Variants in TENM1 observed in about 807,000 individuals in gnomAD.
TENM1 encodes teneurin transmembrane protein 1.
TENM1 carries 35 observed loss-of-function variants against 174.8 expected under a neutral mutation model. That is an observed-to-expected ratio of 0.20 (90% CI 0.15 to 0.27). The LOEUF is 0.27. TENM1 is among the 10% of genes least tolerant of loss of function. TENM1 has a pLI of 1.00. For missense variants in TENM1, 1,633 were observed against 2,130.1 expected, an observed-to-expected ratio of 0.77 and a Z score of 4.59; for synonymous variants, 781 against 798.7, an observed-to-expected ratio of 0.98 and a Z score of 0.37.
chrX:124,529,468 T>A (rs2048058418), intron 16 of TENM1, among the ~76,000 whole-genome samples: 1 of 111,752 alleles, frequency 8.9e-6, no homozygotes, highest in South Asian at 3.7e-4. Flanking sequence ...ATTAATGTGG[T>A]GGAATTCTGT....
intron 19 of TENM1, among the ~76,000 whole-genome samples, chrX:124,502,063 A>C (rs1335166363): frequency 8.9e-6 from 1 of 112,128 alleles, no homozygotes; most frequent in East Asian, 2.8e-4. Context: ...AGCACACAAA[A>C]TCTTTTGGGG....
intron 1 of TENM1, among the ~76,000 whole-genome samples, chrX:124,942,747 G>C (rs889787880): frequency 9.0e-6 from 1 of 111,376 alleles, no homozygotes; most frequent in Non-Finnish European, 1.9e-5. Flanking sequence ...TATTATATTA[G>C]CATATAACTT....
intron 5 of TENM1, among the ~76,000 whole-genome samples, chrX:124,698,208 C>A (rs16999370): frequency 0.011 from 1,217 of 110,671 alleles, 13 homozygotes; most frequent in African/African-American, 0.038. Flanking sequence ...GTGTCCTCAA[C>A]GGTAGTTACC....
chrX:125,134,490 G>A, the TENM1 span, among the ~76,000 whole-genome samples: 12 of 112,015 alleles, frequency 1.1e-4, 1 homozygote, highest in African/African-American at 2.9e-4. Flanking sequence ...CAGTTCTCTA[G>A]TCTACATATA....
the TENM1 span, among the ~76,000 whole-genome samples, chrX:125,184,738 T>C: frequency 1.8e-5 from 2 of 111,852 alleles, no homozygotes; most frequent in Non-Finnish European, 3.8e-5. Flanking sequence ...TTGACTTTTT[T>C]ACAGCTTGAA....
chrX:124,454,532 T>C (rs752636106), intron 22 of TENM1, among the ~76,000 whole-genome samples: 1 of 110,868 alleles, frequency 9.0e-6, no homozygotes, highest in African/African-American at 3.3e-5. Flanking sequence ...GCCTCCCAAA[T>C]AGCTAGGATT....
At chrX:125,034,360 C>T in the TENM1 span, among the ~76,000 whole-genome samples, 1 of 111,605 alleles carries the variant, frequency 9.0e-6, no homozygotes, top group Non-Finnish European at 1.9e-5. Flanking sequence ...CATTAATCTC[C>T]ACTGCCCGAC....
At chrX:125,177,355 C>T in the TENM1 span, among the ~76,000 whole-genome samples, 21 of 112,060 alleles carry the variant, frequency 1.9e-4, no homozygotes, top group African/African-American at 6.5e-4. Flanking sequence ...ACAGTTTCAT[C>T]TGACATATGT....
the TENM1 span, among the ~76,000 whole-genome samples, chrX:124,998,446 C>T: frequency 9.5e-6 from 1 of 105,069 alleles, no homozygotes; most frequent in Non-Finnish European, 1.9e-5. Context: ...TCGACAACAG[C>T]ATTTAAGAAA....
At chrX:124,986,295 C>A in the TENM1 span, among the ~76,000 whole-genome samples, 322 of 111,278 alleles carry the variant, frequency 2.9e-3, 2 homozygotes, top group African/African-American at 0.01. Context: ...AAGTTTTCTC[C>A]TCTTATTAAA....
In TENM1 at chrX:124,883,191, AT is replaced by A. The variant is rs970600155; in HGVS notation, c.535+11104del. 1.4e-4 allele frequency among the ~76,000 whole-genome samples: 16 copies of A among 110,851 alleles called. 1 individual carries two copies. The highest frequency in any genetic ancestry group is 3.0e-4 in the Non-Finnish European group (16 of 52,923). On this transcript the variant is annotated intron_variant, in intron 3 of 31. Coordinates refer to ENST00000422452, the Ensembl canonical transcript of TENM1. Reference sequence around the variant, plus strand: ...TCAGGTATAACAGTTGCTCCTTCTAATTTTTTTGTATTTGCTTTGGTAGGGG... The same window carrying A: ...TCAGGTATAACAGTTGCTCCTTCTAATTTTTTGTATTTGCTTTGGTAGGGG...
the TENM1 span, among the ~76,000 whole-genome samples, chrX:125,114,394 G>T: frequency 1.3e-4 from 14 of 108,559 alleles, no homozygotes; most frequent in African/African-American, 4.8e-4. Flanking sequence ...TAAGATCAGG[G>T]CAGAACTGAA....
chrX:124,385,566 G>T (rs905004565), intron 29 of TENM1, 111 bp downstream of exon 32: 5 of 706,878 alleles, frequency 7.1e-6, no homozygotes, highest in Non-Finnish European at 1.0e-5. Context: ...TAAAGTGAAA[G>T]TTGGGTTGAA....
chrX:124,724,145 G>A (rs1284839455), intron 4 of TENM1, among the ~76,000 whole-genome samples: 1 of 111,285 alleles, frequency 9.0e-6, no homozygotes, highest in Non-Finnish European at 1.9e-5. Context: ...GATGGCTCAC[G>A]TAGGTGTTCC....
chrX:124,973,315 T>C, the TENM1 span, among the ~76,000 whole-genome samples: 1 of 111,838 alleles, frequency 8.9e-6, no homozygotes, highest in Admixed American at 9.5e-5. Context: ...AGCCTTGTAG[T>C]ATAGTTTGAA....
the TENM1 span, among the ~76,000 whole-genome samples, chrX:125,182,776 C>T: frequency 9.0e-6 from 1 of 111,025 alleles, no homozygotes; most frequent in Non-Finnish European, 1.9e-5. Flanking sequence ...AAATGTTTGT[C>T]ACAGTAATAA....
chrX:124,515,012 T>G (rs762556411), intron 18 of TENM1, among the ~76,000 whole-genome samples: 3 of 111,644 alleles, frequency 2.7e-5, no homozygotes, highest in Non-Finnish European at 5.7e-5. Context: ...TGTTCAAGTA[T>G]GCTTCATCCC....
At chrX:124,422,567 G>A in exon 24 of TENM1, 2 of 1,210,784 alleles carry the variant, frequency 1.7e-6, no homozygotes, top group African/African-American at 3.5e-5. Flanking sequence ...GCAGCACAAT[G>A]TTGTTATCCA....
intron 1 of TENM1, among the ~76,000 whole-genome samples, chrX:124,902,675 C>T (rs978563114): frequency 5.3e-5 from 6 of 112,242 alleles, no homozygotes; most frequent in East Asian, 5.6e-4. Context: ...AAAAAGAAAA[C>T]GGTATCAAAT....
Sources: gnomAD v4.1 joint callset for allele counts (sites outside exome capture counted in the v4.1 genomes callset) on GRCh38, gnomAD v4.1.1 for gene constraint, MANE v1.5 for transcripts, NCBI Gene and HGNC (gene_info 2026-07-23, HGNC 2026-07-21) for gene names.